Variants in ALCAM observed in about 807,000 individuals in gnomAD.
The protein encoded by ALCAM is activated leukocyte cell adhesion molecule.
ALCAM carries 30 observed loss-of-function variants against 70.9 expected under a neutral mutation model. The ratio of observed to expected loss-of-function variants is 0.42; its 90% CI spans 0.32 to 0.57. The LOEUF is 0.57. ALCAM is among the 20% of genes least tolerant of loss of function. The probability of loss-of-function intolerance (pLI) is 0.11; values close to 1 mark genes in which losing one functional copy is unlikely to be tolerated. For synonymous variants in ALCAM, 249 were observed against 242.5 expected, an observed-to-expected ratio of 1.03 and a Z score of -0.25; for missense variants, 591 against 695.1, an observed-to-expected ratio of 0.85 and a Z score of 1.68.
chr3:105,381,975 C>T, intron 1 of ALCAM, among the ~76,000 whole-genome samples: 1 of 150,166 alleles, frequency 6.7e-6, no homozygotes. Flanking sequence ...TTTTAGGGTA[C>T]ATGTGCACAA....
chr3:105,529,681 C>G (rs1939791559), intron 3 of ALCAM, among the ~76,000 whole-genome samples: 1 of 152,004 alleles, frequency 6.6e-6, no homozygotes, highest in Non-Finnish European at 1.5e-5. Context: ...ATCAGGTTTC[C>G]TTAGGTTTGC....
intron 13 of ALCAM, 70 bp from the exon 14 acceptor site, chr3:105,552,398 T>C: frequency 6.8e-7 from 1 of 1,476,326 alleles, no homozygotes; most frequent in Non-Finnish European, 9.5e-7. Context: ...TACAAAGTAA[T>C]AGCTAGATTG....
chr3:105,497,847 C>T (rs1295714383), intron 1 of ALCAM, among the ~76,000 whole-genome samples: 3 of 151,964 alleles, frequency 2.0e-5, no homozygotes, highest in Middle Eastern at 3.4e-3. Flanking sequence ...CTGGCTAACA[C>T]GGTGAAACCA....
intron 3 of ALCAM, among the ~76,000 whole-genome samples, chr3:105,531,793 C>G (rs1363866700): frequency 4.6e-5 from 7 of 152,120 alleles, no homozygotes; most frequent in Admixed American, 4.6e-4. Context: ...AAAGGAATTA[C>G]AAGCACTGAA....
At chr3:105,499,946 G>T (rs554152263) in intron 1 of ALCAM, among the ~76,000 whole-genome samples, 44 of 152,206 alleles carry the variant, frequency 2.9e-4, no homozygotes, top group African/African-American at 9.4e-4. Context: ...TAATAAATAC[G>T]GGAGCCTTTA....
At chr3:105,552,766 A>T in intron 14 of ALCAM, 181 bp downstream of exon 14, 1 of 1,420,000 alleles carries the variant, frequency 7.0e-7, no homozygotes, top group Non-Finnish European at 9.2e-7. Context: ...TTTGTCAGGG[A>T]CATGGCTTGG....
intron 1 of ALCAM, among the ~76,000 whole-genome samples, chr3:105,515,201 T>C (rs1228116475): frequency 6.6e-6 from 1 of 151,938 alleles, no homozygotes; most frequent in Non-Finnish European, 1.5e-5. Context: ...TCATAAAATC[T>C]CAGGTTTGAA....
At chr3:105,473,247 C>T (rs1200113750) in intron 1 of ALCAM, among the ~76,000 whole-genome samples, 1 of 151,528 alleles carries the variant, frequency 6.6e-6, no homozygotes, top group East Asian at 1.9e-4. Flanking sequence ...TTTTAATTTG[C>T]AGTTCAATCA....
intron 1 of ALCAM, among the ~76,000 whole-genome samples, chr3:105,409,192 A>G (rs1936325092): frequency 6.6e-6 from 1 of 152,128 alleles, no homozygotes; most frequent in Non-Finnish European, 1.5e-5. Flanking sequence ...CAATCCCGCC[A>G]CTAGGTATCT....
chr3:105,404,213 C>T (rs145307604), intron 1 of ALCAM, among the ~76,000 whole-genome samples: 1 of 152,144 alleles, frequency 6.6e-6, no homozygotes, highest in East Asian at 1.9e-4. Context: ...GAGATCTAGA[C>T]ATCCAAAGAT....
In ALCAM at chr3:105,436,466, T is replaced by C. The variant is rs79442916; in HGVS notation, c.73+68985T>C. ...CCTCAGCCTCCCGAGTAGCTGGGAC[T>C]ATAGGTGCCTGCCACCACACCCGGC... On this transcript the variant is annotated intron_variant, in intron 1 of 15. Transcript: ENST00000306107. Among the ~76,000 whole-genome samples the C allele has an allele frequency of 3.0e-4, 45 of 152,270 alleles. No individual in the cohort carries two copies. In the East Asian group the frequency reaches 8.7e-3, roughly 29 times the overall value.
rs560653843 is a variant in ALCAM at position 105,461,916 on chromosome 3, A to C, written c.74-58151A>C. On this transcript the variant is annotated intron_variant, in intron 1 of 15. Transcript: ENST00000306107. ...TACATGCTTTCCCACATAGAGAAAC[A>C]GGTCAGCTCCAGCTTTTTTACATAA... is the stretch of plus-strand genomic sequence containing the variant. 3.3e-5 allele frequency among the ~76,000 whole-genome samples: 5 copies of C among 151,844 alleles called. No individual in the cohort carries two copies. In the East Asian group the frequency reaches 9.7e-4, roughly 29 times the overall value.
At chr3:105,484,879 T>C (rs73854306) in intron 1 of ALCAM, among the ~76,000 whole-genome samples, 1,999 of 152,156 alleles carry the variant, frequency 0.013, 34 homozygotes, top group African/African-American at 0.044. Context: ...TACATGCTCA[T>C]ACCTTAGGAA....
chr3:105,550,406 A>G (rs1253305024), intron 12 of ALCAM, 147 bp downstream of exon 12: 2 of 840,828 alleles, frequency 2.4e-6, no homozygotes, highest in African/African-American at 3.5e-5. Flanking sequence ...TCATAAGGTT[A>G]TTTTTTCTTT....
At chr3:105,516,493 G>A (rs1482037735) in intron 1 of ALCAM, among the ~76,000 whole-genome samples, 1 of 151,726 alleles carries the variant, frequency 6.6e-6, no homozygotes. Context: ...TTCTTTTCCT[G>A]TGCTCACCGC....
chr3:105,562,877 C>T (rs1175417285), intron 14 of ALCAM, among the ~76,000 whole-genome samples: 4 of 152,200 alleles, frequency 2.6e-5, no homozygotes, highest in Non-Finnish European at 4.4e-5. Flanking sequence ...ACGATCTCAG[C>T]TCACTGCAAC....
At chr3:105,431,824 T>G (rs2107438414) in intron 1 of ALCAM, among the ~76,000 whole-genome samples, 1 of 152,270 alleles carries the variant, frequency 6.6e-6, no homozygotes, top group East Asian at 1.9e-4. Context: ...TATGTCATAT[T>G]TCAGAAGCCG....
Position 105,533,638 on chromosome 3 carries a change from T to G in ALCAM, c.495T>G (p.Asp165Glu). Residue 165 changes from aspartate to glutamate, a missense_variant, in exon 5 of 16, where the codon GAT becomes GAG. Asp to Glu is a conservative substitution (Grantham distance 45). Around this residue, in one of 2 missense-constraint regions of ALCAM, gnomAD observed 427 missense variants for 450.4 expected, o/e 0.95. Transcript: ENST00000306107. ...GCATTTCAGAAGACAGTTATCCAGA[T>G]GGCAATATCACATGGTACAGGAATG... ...GDCISEDSYP[D>E]GNITWYRNGK... 1 of 1,612,210 alleles carries G rather than the reference T, an allele frequency of 6.2e-7. No individual in the cohort carries two copies. Among genetic ancestry groups the G allele is most frequent in the Non-Finnish European group, 8.5e-7 (1 of 1,178,638 alleles).
At chr3:105,462,413 ATTG>A (rs1341782091) in intron 1 of ALCAM, among the ~76,000 whole-genome samples, 1 of 151,574 alleles carries the variant, frequency 6.6e-6, no homozygotes, top group African/African-American at 2.4e-5. Context: ...GTAGCATTTC[ATTG>A]TATAAAGAAA....
Sources: allele counts gnomAD v4.1 joint callset (sites outside exome capture counted in the v4.1 genomes callset), GRCh38; gene constraint gnomAD v4.1.1; regional missense constraint gnomAD v4.1.1; transcripts MANE v1.5; gene names NCBI Gene and HGNC (gene_info 2026-07-23, HGNC 2026-07-21).